The following CPS1 variants were observed in gnomAD, a reference collection of about 807,000 sequenced individuals.
CPS1 encodes carbamoyl-phosphate synthase [ammonia], mitochondrial.
A neutral mutation model predicts 174.6 loss-of-function variants in CPS1; 109 were observed. The observed-to-expected ratio is 0.62, with a 90% confidence interval of 0.53 to 0.73. The LOEUF (loss-of-function observed/expected upper bound fraction) is 0.73, where lower values mean the gene tolerates loss of function less well. Among genes scored for constraint, CPS1 ranks in the 30% least tolerant of loss-of-function variants. CPS1 has a pLI of 0.00. For synonymous variants in CPS1, 637 were observed against 632.0 expected (o/e 1.01, Z -0.12); for missense variants, 1,689 against 1,821.9 (o/e 0.93, Z 1.33).
intron 6 of CPS1, among the ~76,000 whole-genome samples, chr2:210,583,724 T>A (rs372052754): frequency 7.2e-5 from 11 of 152,274 alleles, no homozygotes; most frequent in African/African-American, 2.4e-4. Context: ...TAAGTGGAGA[T>A]GGACTGACTG....
chr2:210,590,713 A>G, intron 8 of CPS1, 87 bp from the exon 9 acceptor site: 1 of 995,606 alleles, frequency 1.0e-6, no homozygotes, highest in Non-Finnish European at 1.6e-6. Flanking sequence ...CCTTCTTAAG[A>G]AAAAAGGATA....
intron 1 of CPS1, among the ~76,000 whole-genome samples, chr2:210,503,258 G>GC (rs1278883502): frequency 6.6e-6 from 1 of 152,136 alleles, no homozygotes; most frequent in African/African-American, 2.4e-5. Context: ...TTTTCCCTGT[G>GC]CAATATACTT....
At chr2:210,518,210 A>T (rs1418350635) in intron 1 of CPS1, among the ~76,000 whole-genome samples, 1 of 151,994 alleles carries the variant, frequency 6.6e-6, no homozygotes, top group East Asian at 1.9e-4. Flanking sequence ...CTAGATTTGC[A>T]GTGATCTCTA....
chr2:210,550,397 A>G, intron 1 of CPS1, among the ~76,000 whole-genome samples: 1 of 152,004 alleles, frequency 6.6e-6, no homozygotes, highest in African/African-American at 2.4e-5. Context: ...AAGAGGATGA[A>G]CATTGCCTAA....
intron 1 of CPS1, among the ~76,000 whole-genome samples, chr2:210,535,131 T>G (rs976588860): frequency 1.1e-4 from 17 of 152,216 alleles, no homozygotes; most frequent in Admixed American, 9.2e-4. Flanking sequence ...GGCTACTTTC[T>G]GTGCAGAAAA....
chr2:210,593,079 T>C, intron 11 of CPS1, 123 bp downstream of exon 11: 5 of 879,614 alleles, frequency 5.7e-6, no homozygotes, highest in Middle Eastern at 2.2e-4. Flanking sequence ...AAGAGTGCTT[T>C]GGTAACACAC....
Position 210,678,396 on chromosome 2 carries a change from C to A in CPS1, c.*411C>A. The stretch of plus-strand genomic sequence containing the variant: ...GCAAACTCAGGACACTTTAACAGGG[C>A]AGAATACTCTAAAAACTTGATAAAA... On this transcript the variant is annotated 3_prime_UTR_variant, in exon 38 of 38. Transcript: ENST00000233072. The A allele has an allele frequency of 4.5e-6, 1 of 220,400 alleles. No homozygotes were observed. The highest frequency in any genetic ancestry group is 9.2e-6 in the Non-Finnish European group (1 of 109,254). The allele number at this position is 220,400 out of a possible 1,614,324, so 13.7% of individuals were successfully genotyped here. A position where few individuals can be genotyped will look rare whatever the true frequency, so the allele number is the denominator to read the frequency against.
chr2:210,651,873 C>T (rs1234261407), intron 28 of CPS1, among the ~76,000 whole-genome samples: 1 of 152,162 alleles, frequency 6.6e-6, no homozygotes, highest in Non-Finnish European at 1.5e-5. Context: ...TTCTCAGTAT[C>T]AGGAATTGTA....
At chr2:210,536,259 T>A (rs988392697) in intron 1 of CPS1, among the ~76,000 whole-genome samples, 2 of 151,888 alleles carry the variant, frequency 1.3e-5, no homozygotes, top group Admixed American at 1.3e-4. Context: ...ACTAATAACC[T>A]CAATTTTTTT....
In CPS1 at chr2:210,668,180, A is replaced by G. The variant is rs757472109; in HGVS notation, c.4003-6A>G. On this transcript the variant is annotated splice_region_variant and splice_polypyrimidine_tract_variant and intron_variant, in intron 33 of 37. Coordinates refer to ENST00000233072, the MANE Select transcript of CPS1 (RefSeq NM_001875.5). Reference sequence around the variant, plus strand: ...CTATTTTAATTTTTTATTTATTTCTAAACAGGTGGCTTGCTTTGGTGAAGG... The same window carrying G: ...CTATTTTAATTTTTTATTTATTTCTGAACAGGTGGCTTGCTTTGGTGAAGG... 1.9e-6 allele frequency: 3 copies of G among 1,608,472 alleles called. No homozygotes were observed. The African/African-American group carries it at 4.0e-5, about 22-fold the overall frequency.
At chr2:210,641,724 C>T (rs1229386440) in intron 24 of CPS1, among the ~76,000 whole-genome samples, 1 of 152,186 alleles carries the variant, frequency 6.6e-6, no homozygotes, top group Non-Finnish European at 1.5e-5. Context: ...AGCTAATAAT[C>T]AAGTGTGTGC....
chr2:210,512,736 TTATATATATATATATATA>T (rs71043996), intron 1 of CPS1, among the ~76,000 whole-genome samples: 21,402 of 46,726 alleles, frequency 0.46, 5,978 homozygotes, highest in Non-Finnish European at 0.55. Context: ...TCCAGTAGTT[TTATATATATATATATATA>T]TATATATATA....
intron 1 of CPS1, among the ~76,000 whole-genome samples, chr2:210,489,722 A>T (rs114070222): frequency 0.012 from 1,883 of 152,304 alleles, 22 homozygotes; most frequent in Non-Finnish European, 0.02. Context: ...TTTCTTCCAT[A>T]CTATTATAAG....
intron 21 of CPS1, among the ~76,000 whole-genome samples, chr2:210,628,645 C>G (rs1234798438): frequency 3.9e-5 from 6 of 151,902 alleles, no homozygotes; most frequent in Non-Finnish European, 8.8e-5. Context: ...ACTAAAAATA[C>G]AAAAATTAGC....
At chr2:210,629,498 G>A (rs969480781) in intron 21 of CPS1, among the ~76,000 whole-genome samples, 3 of 151,496 alleles carry the variant, frequency 2.0e-5, no homozygotes, top group African/African-American at 7.3e-5. Context: ...TGTATTTTTA[G>A]TAGAGACGGG....
intron 1 of CPS1, among the ~76,000 whole-genome samples, chr2:210,482,932 T>C (rs1254380446): frequency 1.3e-5 from 2 of 152,228 alleles, no homozygotes; most frequent in Admixed American, 6.5e-5. Flanking sequence ...TGGCAGTCAA[T>C]TAGGGTTCTT....
At chr2:210,609,675 G>A (rs1559104737) in intron 19 of CPS1, among the ~76,000 whole-genome samples, 1 of 151,868 alleles carries the variant, frequency 6.6e-6, no homozygotes, top group Non-Finnish European at 1.5e-5. Flanking sequence ...TGTGGCCAGT[G>A]TGGGAGCTTT....
intron 1 of CPS1, among the ~76,000 whole-genome samples, chr2:210,541,287 C>G (rs1051053662): frequency 2.0e-5 from 3 of 152,126 alleles, no homozygotes; most frequent in African/African-American, 7.2e-5. Flanking sequence ...GAATTTCTTG[C>G]CTGGCCAATC....
chr2:210,576,198 A>G, intron 2 of CPS1, 148 bp from the exon 3 acceptor site: 1 of 927,242 alleles, frequency 1.1e-6, no homozygotes, highest in East Asian at 2.5e-5. Context: ...TTCTGTCATA[A>G]CATTTCCCCA....
Sources: gnomAD v4.1 joint callset for allele counts (sites outside exome capture counted in the v4.1 genomes callset) on GRCh38, gnomAD v4.1.1 for gene constraint, MANE v1.5 for transcripts, NCBI Gene and HGNC (gene_info 2026-07-23, HGNC 2026-07-21) for gene names.